UTP20: variants seen among roughly 807,000 people sequenced by gnomAD.
The protein encoded by UTP20 is UTP20 small subunit processome component.
A neutral mutation model predicts 329.5 loss-of-function variants in UTP20; 164 were observed. That is an observed-to-expected ratio of 0.50 (90% CI 0.44 to 0.57). The LOEUF (loss-of-function observed/expected upper bound fraction) is 0.57. Ranked by LOEUF, UTP20 falls within the 20% of genes least tolerant of loss-of-function variation. The pLI, the probability that UTP20 is intolerant of heterozygous loss-of-function variation, is 0.00. For synonymous variants in UTP20, 1,151 were observed against 1,159.3 expected (o/e 0.99, Z 0.14); for missense variants, 3,055 against 3,284.2 (o/e 0.93, Z 1.71).
At chr12:101,284,063 A>C (rs183766144) in intron 2 of UTP20, among the ~76,000 whole-genome samples, 2,774 of 151,652 alleles carry the variant, frequency 0.018, 47 homozygotes, top group Non-Finnish European at 0.026. Context: ...CTCTCTCTCT[A>C]TAAACACATA....
chr12:101,289,097 C>T, intron 6 of UTP20, 56 bp downstream of exon 6: 1 of 1,483,874 alleles, frequency 6.7e-7, no homozygotes, highest in Non-Finnish European at 9.3e-7. Flanking sequence ...GATGAATAGG[C>T]CAGGCGTGGT....
In UTP20 at chr12:101,302,487, TA is replaced by T. The variant is rs770585781; in HGVS notation, c.1717del (p.Ser573ValfsTer17). 1 of 1,610,998 alleles carries T rather than the reference TA, an allele frequency of 6.2e-7. No homozygotes were observed. ...CTTTGTCAAGCTGTAAATACTCTAC[TA>T]AGTTTGGAAGAATCTTCTGAACTTC... The part of the protein sequence containing the change: ...FVLCQAVNTL[L>X]SLEESSELLH... On this transcript the variant is annotated frameshift_variant, in exon 15 of 62. Transcript: ENST00000261637. LOFTEE classifies it high-confidence loss of function.
In UTP20 at chr12:101,338,297, A is replaced by T; in HGVS notation, c.3868+20A>T. The stretch of plus-strand genomic sequence containing the variant: ...TCGGTGGTATGTATGCTGACAAAGC[A>T]GATAATTCTTAGACTTCTGCTGTAG... On this transcript the variant is annotated intron_variant, in intron 30 of 61. Coordinates refer to ENST00000261637, the MANE Select transcript of UTP20 (RefSeq NM_014503.3). The T allele has an allele frequency of 6.2e-7, 1 of 1,610,064 alleles. No homozygotes were observed. The highest frequency in any genetic ancestry group is 8.5e-7 in the Non-Finnish European group (1 of 1,176,370).
chr12:101,323,859 C>T (rs1397369449), intron 25 of UTP20, among the ~76,000 whole-genome samples: 1 of 152,180 alleles, frequency 6.6e-6, no homozygotes, highest in Non-Finnish European at 1.5e-5. Flanking sequence ...TTCAGCTGGA[C>T]GCCCCCTGGT....
At chr12:101,311,922 T>G in intron 20 of UTP20, 114 bp from the exon 21 acceptor site, 1 of 1,559,704 alleles carries the variant, frequency 6.4e-7, no homozygotes, top group Non-Finnish European at 8.7e-7. Context: ...TGATAACTTT[T>G]GGGAGTGACA....
chr12:101,306,900 G>A (rs974554040), intron 17 of UTP20, 139 bp downstream of exon 17: 30 of 829,456 alleles, frequency 3.6e-5, no homozygotes, highest in East Asian at 9.6e-5. Flanking sequence ...TTGGCTGGGC[G>A]CGGTGGCTCA....
chr12:101,324,076 G>A (rs149310695), intron 25 of UTP20, among the ~76,000 whole-genome samples: 1 of 151,958 alleles, frequency 6.6e-6, no homozygotes, highest in Non-Finnish European at 1.5e-5. Flanking sequence ...GGTGGAGGTT[G>A]CAGTGAGCTG....
intron 6 of UTP20, 141 bp downstream of exon 6, chr12:101,289,182 G>A (rs1872057474): frequency 1.5e-6 from 1 of 689,136 alleles, no homozygotes; most frequent in African/African-American, 1.8e-5. Context: ...TTGGAGACCA[G>A]CCTGACCAAC....
At chr12:101,292,753 G>T (rs921907506) in intron 10 of UTP20, among the ~76,000 whole-genome samples, 18 of 152,294 alleles carry the variant, frequency 1.2e-4, no homozygotes, top group African/African-American at 4.1e-4. Context: ...GAAAAGTTAG[G>T]TTGGGTTTTA....
intron 32 of UTP20, among the ~76,000 whole-genome samples, chr12:101,341,518 G>A (rs1263656173): frequency 1.3e-5 from 2 of 152,198 alleles, no homozygotes; most frequent in Non-Finnish European, 2.9e-5. Flanking sequence ...AATGTATACA[G>A]TTGGCCCTCT....
rs374719959 is a variant in UTP20, at chr12:101,296,299, C to T, written c.1430+641C>T. On this transcript the variant is annotated intron_variant, in intron 12 of 61. Coordinates refer to ENST00000261637, the MANE Select transcript of UTP20 (RefSeq NM_014503.3). ...TAATAACCACACTCCTGGCCAGGCG[C>T]GGTGGCTCACGCCTGTAATCCCAGC... Among the ~76,000 whole-genome samples, 10 of 152,174 alleles carry T rather than the reference C, an allele frequency of 6.6e-5. No individual in the cohort carries two copies. The East Asian group carries it at 1.3e-3, about 21-fold the overall frequency.
chr12:101,302,157 T>C (rs542762017), intron 14 of UTP20, among the ~76,000 whole-genome samples: 1 of 152,276 alleles, frequency 6.6e-6, no homozygotes, highest in East Asian at 1.9e-4. Context: ...GTTGAACTCC[T>C]GGCCTCAAGT....
At chr12:101,373,537 C>T (rs781517953) in intron 53 of UTP20, 48 bp from the exon 54 acceptor site, 1 of 1,612,948 alleles carries the variant, frequency 6.2e-7, no homozygotes. Flanking sequence ...GCTAGAGCAT[C>T]TGTAGGAATT....
chr12:101,330,621 A>T (rs1465593229), intron 27 of UTP20, among the ~76,000 whole-genome samples: 2 of 152,230 alleles, frequency 1.3e-5, no homozygotes, highest in African/African-American at 4.8e-5. Flanking sequence ...AATAAGGGCC[A>T]TGGGAAGAAT....
intron 12 of UTP20, among the ~76,000 whole-genome samples, chr12:101,296,561 A>G (rs1872359265): frequency 7.4e-6 from 1 of 135,378 alleles, no homozygotes; most frequent in East Asian, 2.3e-4. Flanking sequence ...ACAGAGCGAG[A>G]CTTCATCTCA....
chr12:101,359,952 C>G (rs1020955034), intron 43 of UTP20, among the ~76,000 whole-genome samples: 1 of 152,202 alleles, frequency 6.6e-6, no homozygotes, highest in Non-Finnish European at 1.5e-5. Flanking sequence ...GCCACCACCA[C>G]AGCATTGCGA....
intron 35 of UTP20, 77 bp downstream of exon 35, chr12:101,343,170 C>T: frequency 9.5e-7 from 1 of 1,049,566 alleles, no homozygotes; most frequent in Non-Finnish European, 1.3e-6. Flanking sequence ...GTGACCTGAT[C>T]TTTAAATTTG....
chr12:101,289,784 G>T (rs1318818166), intron 6 of UTP20: 2 of 152,246 alleles, frequency 1.3e-5, no homozygotes, highest in African/African-American at 4.8e-5. Flanking sequence ...GAGGGTTTTT[G>T]TAATAAAACA....
rs774234426 is a variant in UTP20, at chr12:101,280,420, T to G, written c.45+93T>G. 738 of 1,460,176 alleles carry G rather than the reference T, an allele frequency of 5.1e-4. 1 individual carries two copies. The highest frequency in any genetic ancestry group is 6.3e-4 in the Non-Finnish European group (676 of 1,071,030). The allele number at this position is 1,460,176 out of a possible 1,614,324, so 90.5% of individuals were successfully genotyped here. A position where few individuals can be genotyped will look rare whatever the true frequency, so the allele number is the denominator to read the frequency against. ...CGAGACTCCAGGGGCCTCAGACTTC[T>G]GGGCCGAGTGTGTCACTTTCCTGGA... On this transcript the variant is annotated intron_variant, in intron 1 of 61. Coordinates refer to ENST00000261637, the MANE Select transcript of UTP20 (RefSeq NM_014503.3).
Sources: allele counts gnomAD v4.1 joint callset (sites outside exome capture counted in the v4.1 genomes callset), GRCh38; gene constraint gnomAD v4.1.1; transcripts MANE v1.5; gene names NCBI Gene and HGNC (gene_info 2026-07-23, HGNC 2026-07-21).